The following UNC13C variants were observed in gnomAD, a reference collection of about 807,000 sequenced individuals.
UNC13C encodes the protein protein unc-13 homolog C.
UNC13C carries 174 observed loss-of-function variants against 245.4 expected under a neutral mutation model. That is an observed-to-expected ratio of 0.71 (90% CI 0.63 to 0.80). UNC13C has a LOEUF of 0.80. Ranked by LOEUF, UNC13C falls within the 30% of genes least tolerant of loss-of-function variation. The pLI is 0.00. For synonymous variants in UNC13C, 992 were observed against 895.1 expected (o/e 1.11, Z -1.93); for missense variants, 2,829 against 2,602.9 (o/e 1.09, Z -1.89).
intron 4 of UNC13C, among the ~76,000 whole-genome samples, chr15:54,225,200 T>C (rs1425526470): frequency 6.6e-6 from 1 of 152,100 alleles, no homozygotes; most frequent in East Asian, 1.9e-4. Flanking sequence ...CCATGCTGTT[T>C]TAGTTACTAT....
At chr15:53,851,550 T>C in the UNC13C span, among the ~76,000 whole-genome samples, 1 of 152,084 alleles carries the variant, frequency 6.6e-6, no homozygotes, top group Non-Finnish European at 1.5e-5. Flanking sequence ...CTGTGTCTCA[T>C]CTCCTCCTGT....
At chr15:54,283,045 T>C (rs2037041180) in intron 10 of UNC13C, among the ~76,000 whole-genome samples, 1 of 152,106 alleles carries the variant, frequency 6.6e-6, no homozygotes, top group African/African-American at 2.4e-5. Flanking sequence ...AAAGGGCAGG[T>C]ATGTATAAAA....
chr15:53,857,101 C>G, the UNC13C span, among the ~76,000 whole-genome samples: 3 of 152,034 alleles, frequency 2.0e-5, no homozygotes, highest in Non-Finnish European at 2.9e-5. Context: ...CGGCCCCAAT[C>G]TGGCTATTTC....
rs763332965 is a variant in UNC13C at position 54,558,804 on chromosome 15, C to T, written c.5958+3292C>T. On this transcript the variant is annotated intron_variant, in intron 29 of 32. Coordinates refer to ENST00000260323, the MANE Select transcript of UNC13C (RefSeq NM_001080534.3). ...GAAAGTAAAAGTAGAAAAGTGGCAGCTATGAGACAGATAATCAGTCACCCA... is the reference window on the plus strand; with the variant it reads ...GAAAGTAAAAGTAGAAAAGTGGCAGTTATGAGACAGATAATCAGTCACCCA... Among the ~76,000 whole-genome samples, 3 of 151,910 alleles carry T rather than the reference C, an allele frequency of 2.0e-5. No homozygotes were observed. In the East Asian group the frequency reaches 5.8e-4, roughly 30 times the overall value.
chr15:54,469,319 G>A (rs2141039763), intron 19 of UNC13C, among the ~76,000 whole-genome samples: 1 of 151,630 alleles, frequency 6.6e-6, no homozygotes, highest in Admixed American at 6.6e-5. Flanking sequence ...TTCTAGGAAT[G>A]TTTCTTATGT....
At chr15:54,295,744 T>G (rs2140938944) in intron 11 of UNC13C, among the ~76,000 whole-genome samples, 1 of 152,132 alleles carries the variant, frequency 6.6e-6, no homozygotes, top group East Asian at 1.9e-4. Flanking sequence ...TATGCTGCTA[T>G]TAGTAAAATC....
At chr15:53,860,798 T>C in the UNC13C span, among the ~76,000 whole-genome samples, 54 of 152,322 alleles carry the variant, frequency 3.5e-4, no homozygotes, top group African/African-American at 1.3e-3. Context: ...AAAAGTCTTA[T>C]AAAATTGAGC....
chr15:53,879,612 G>A, the UNC13C span, among the ~76,000 whole-genome samples: 18 of 151,014 alleles, frequency 1.2e-4, no homozygotes, highest in East Asian at 3.9e-4. Flanking sequence ...TTTTTGAGAC[G>A]GAGTCTCGCT....
chr15:54,475,034 G>A (rs996614719), intron 19 of UNC13C, among the ~76,000 whole-genome samples: 4 of 151,902 alleles, frequency 2.6e-5, no homozygotes, highest in Non-Finnish European at 5.9e-5. Flanking sequence ...CCTCCTATTA[G>A]GCCCTACCTA....
At chr15:54,298,683 A>C (rs1415354025) in intron 12 of UNC13C, among the ~76,000 whole-genome samples, 1 of 152,134 alleles carries the variant, frequency 6.6e-6, no homozygotes, top group South Asian at 2.1e-4. Flanking sequence ...AGCACAGACA[A>C]ATCATCTTGG....
At chr15:54,156,791 T>C (rs1237157613) in intron 4 of UNC13C, among the ~76,000 whole-genome samples, 1 of 150,958 alleles carries the variant, frequency 6.6e-6, no homozygotes, top group Non-Finnish European at 1.5e-5. Context: ...ACTAGACATA[T>C]TTGATGAAAG....
rs1427664996 is a variant in UNC13C, at chr15:54,498,199, C to T, written c.5061-1880C>T. On this transcript the variant is annotated intron_variant, in intron 20 of 32. Transcript: ENST00000260323. ...TTGACAATGCTTACACACAAAAACA[C>T]CCATATAAAATTTATAAACAAAAAC... Among the ~76,000 whole-genome samples, 4 of 151,918 alleles carry T rather than the reference C, an allele frequency of 2.6e-5. No homozygotes were observed. The East Asian group carries it at 7.7e-4, about 29-fold the overall frequency.
In UNC13C at chr15:54,044,291, A is replaced by G. The variant is rs538682598; in HGVS notation, c.2983+28405A>G. 3.0e-4 allele frequency: 48 copies of G among 162,654 alleles called. 1 individual carries two copies. In the South Asian group the frequency reaches 6.7e-3, roughly 23 times the overall value. 10.1% of individuals were successfully genotyped at this position (162,654 alleles called of 1,614,324 possible). A position where few individuals can be genotyped will look rare whatever the true frequency, so the allele number is the denominator to read the frequency against. On this transcript the variant is annotated intron_variant, in intron 2 of 32. Transcript: ENST00000260323. ...TTGTGCCTGAGCAGTATTTCATATT[A>G]TGGATATACCACACTTGTCTATCCA...
At chr15:54,216,353 T>C (rs1373690129) in intron 4 of UNC13C, among the ~76,000 whole-genome samples, 1 of 151,958 alleles carries the variant, frequency 6.6e-6, no homozygotes, top group South Asian at 2.1e-4. Flanking sequence ...TATTTAGTAT[T>C]TTAAACCTCT....
At chr15:54,108,218 G>T (rs1297975517) in intron 2 of UNC13C, among the ~76,000 whole-genome samples, 2 of 151,670 alleles carry the variant, frequency 1.3e-5, no homozygotes, top group Non-Finnish European at 2.9e-5. Context: ...ACAGAGTCTC[G>T]CTCTGTCGCC....
chr15:54,319,371 A>G (rs2038090754), intron 13 of UNC13C, among the ~76,000 whole-genome samples: 2 of 151,782 alleles, frequency 1.3e-5, no homozygotes, highest in South Asian at 2.1e-4. Context: ...TTTTTGTTAA[A>G]TAAATAATAT....
At chr15:54,317,633 A>G (rs1471426487) in intron 13 of UNC13C, among the ~76,000 whole-genome samples, 5 of 151,972 alleles carry the variant, frequency 3.3e-5, no homozygotes, top group Admixed American at 2.6e-4. Context: ...AAAATTATAC[A>G]TATTTATCAT....
chr15:54,264,198 C>T lies in UNC13C; in HGVS notation c.3479C>T (p.Ala1160Val). The part of the protein sequence containing the change: ...RAAEKSSKHG[A>V]EDKTQTIITA... ...GCAGAAAAGAGTTCTAAACATGGTGCCGAAGACAAGACTCAGACCATTATT... is the reference window on the plus strand; with the variant it reads ...GCAGAAAAGAGTTCTAAACATGGTGTCGAAGACAAGACTCAGACCATTATT... Residue 1160 changes from alanine to valine, a missense_variant, in exon 9 of 33, where the codon GCC becomes GTC. Coordinates refer to ENST00000260323, the MANE Select transcript of UNC13C (RefSeq NM_001080534.3). 1 of 1,586,484 alleles carries T rather than the reference C, an allele frequency of 6.3e-7. No homozygotes were observed. The highest frequency in any genetic ancestry group is 1.8e-5 in the Admixed American group (1 of 55,886).
intron 19 of UNC13C, among the ~76,000 whole-genome samples, chr15:54,452,784 G>A (rs1294574711): frequency 2.6e-5 from 4 of 152,232 alleles, no homozygotes; most frequent in Admixed American, 6.5e-5. Context: ...AGCTGGCTGG[G>A]GAGTGTGCAC....
Sources: allele counts gnomAD v4.1 joint callset (sites outside exome capture counted in the v4.1 genomes callset), GRCh38; gene constraint gnomAD v4.1.1; transcripts MANE v1.5; gene names NCBI Gene and HGNC (gene_info 2026-07-23, HGNC 2026-07-21).